Variants in LRP1B observed in about 807,000 individuals in gnomAD.
The protein encoded by LRP1B is low-density lipoprotein receptor-related protein 1B.
A neutral mutation model predicts 556.6 loss-of-function variants in LRP1B; 217 were observed. The observed-to-expected ratio is 0.39, with a 90% CI of 0.35 to 0.44. The LOEUF (loss-of-function observed/expected upper bound fraction) is 0.44, where lower values mean the gene tolerates loss of function less well. Ranked by LOEUF, LRP1B falls within the 20% of genes least tolerant of loss-of-function variation. The pLI, the probability that LRP1B is intolerant of heterozygous loss-of-function variation, is 1.00. For missense variants in LRP1B, 5,053 were observed against 5,620.8 expected (o/e 0.90, Z 3.23); for synonymous variants, 2,047 against 1,865.8 (o/e 1.10, Z -2.50).
intron 6 of LRP1B, among the ~76,000 whole-genome samples, chr2:141,196,767 T>C (rs1681769291): frequency 1.3e-5 from 2 of 152,162 alleles, no homozygotes; most frequent in African/African-American, 4.8e-5. Flanking sequence ...TTGCCTACCA[T>C]CTTCCTGTTC....
At chr2:140,446,369 A>G (rs1303650733) in intron 63 of LRP1B, among the ~76,000 whole-genome samples, 1 of 152,176 alleles carries the variant, frequency 6.6e-6, no homozygotes, top group African/African-American at 2.4e-5. Context: ...CAAATTTGTG[A>G]TGCCAGAGAA....
intron 55 of LRP1B, among the ~76,000 whole-genome samples, chr2:140,496,640 G>T (rs910036117): frequency 3.3e-5 from 5 of 151,984 alleles, no homozygotes; most frequent in African/African-American, 1.2e-4. Flanking sequence ...TCCTAAAAAC[G>T]ATGAGGTACT....
chr2:141,916,477 G>T (rs1700036166), intron 1 of LRP1B, among the ~76,000 whole-genome samples: 1 of 150,960 alleles, frequency 6.6e-6, no homozygotes, highest in Non-Finnish European at 1.5e-5. Flanking sequence ...CCATCCTCCT[G>T]CCTCAGCCTC....
chr2:141,591,983 G>A (rs1034705464), intron 2 of LRP1B, among the ~76,000 whole-genome samples: 2 of 151,968 alleles, frequency 1.3e-5, no homozygotes, highest in African/African-American at 2.4e-5. Flanking sequence ...TTCAAATCAC[G>A]TGACCTGGAA....
At chr2:140,649,517 A>G (rs2105316988) in intron 41 of LRP1B, among the ~76,000 whole-genome samples, 1 of 152,364 alleles carries the variant, frequency 6.6e-6, no homozygotes, top group South Asian at 2.1e-4. Flanking sequence ...TAGTTGAAAG[A>G]TCTAGGAAAT....
At chr2:140,712,236 T>C (rs913311484) in intron 37 of LRP1B, among the ~76,000 whole-genome samples, 4 of 152,092 alleles carry the variant, frequency 2.6e-5, no homozygotes, top group African/African-American at 9.7e-5. Flanking sequence ...CCAAGTTCCG[T>C]CACTGTAAGG....
chr2:140,563,728 T>C (rs1445657423), intron 43 of LRP1B, among the ~76,000 whole-genome samples: 1 of 152,206 alleles, frequency 6.6e-6, no homozygotes, highest in African/African-American at 2.4e-5. Context: ...GTATCTGGAA[T>C]TACATTCAAA....
chr2:140,875,853 T>C (rs549374867), intron 25 of LRP1B, among the ~76,000 whole-genome samples: 4 of 152,296 alleles, frequency 2.6e-5, no homozygotes, highest in African/African-American at 9.6e-5. Context: ...CTAATATGAC[T>C]TTGTGTACAT....
At chr2:140,612,092 C>T (rs1683091981) in intron 41 of LRP1B, among the ~76,000 whole-genome samples, 1 of 152,020 alleles carries the variant, frequency 6.6e-6, no homozygotes, top group Non-Finnish European at 1.5e-5. Context: ...TTCTTAAGTA[C>T]CTACTATGTG....
At chr2:141,078,807 T>TA (rs774851919) in intron 7 of LRP1B, among the ~76,000 whole-genome samples, 3 of 152,046 alleles carry the variant, frequency 2.0e-5, no homozygotes, top group East Asian at 1.9e-4. Flanking sequence ...TGCTGTCAAT[T>TA]AAAAAAAAGA....
At chr2:140,919,976 G>T (rs1489091161) in intron 21 of LRP1B, among the ~76,000 whole-genome samples, 1 of 151,892 alleles carries the variant, frequency 6.6e-6, no homozygotes, top group Non-Finnish European at 1.5e-5. Context: ...GAATATATTT[G>T]TGCATATATA....
chr2:141,755,295 A>G (rs1306318560), intron 2 of LRP1B, among the ~76,000 whole-genome samples: 1 of 152,102 alleles, frequency 6.6e-6, no homozygotes, highest in Non-Finnish European at 1.5e-5. Context: ...CCTAATGTAC[A>G]ATAGGTTCTT....
chr2:142,029,142 C>T (rs1014465431), intron 1 of LRP1B, among the ~76,000 whole-genome samples: 2 of 151,818 alleles, frequency 1.3e-5, no homozygotes, highest in Non-Finnish European at 2.9e-5. Flanking sequence ...ACCTAGAGAA[C>T]TTGTTAAACA....
At chr2:141,086,301 A>C (rs937741347) in intron 7 of LRP1B, among the ~76,000 whole-genome samples, 1 of 152,168 alleles carries the variant, frequency 6.6e-6, no homozygotes, top group Non-Finnish European at 1.5e-5. Flanking sequence ...TCTACATCTA[A>C]ATTTCTTAGA....
At chr2:140,491,584 GA>G (rs199708824) in intron 57 of LRP1B, among the ~76,000 whole-genome samples, 6,094 of 151,834 alleles carry the variant, frequency 0.04, 170 homozygotes, top group Non-Finnish European at 0.047. Flanking sequence ...TAAAAATACA[GA>G]AAAAAATATA....
At chr2:140,426,902 G>T (rs1685683394) in intron 66 of LRP1B, among the ~76,000 whole-genome samples, 1 of 152,036 alleles carries the variant, frequency 6.6e-6, no homozygotes, top group African/African-American at 2.4e-5. Flanking sequence ...ACCACCTCAG[G>T]TCCTCAGACC....
chr2:141,979,784 G>A (rs1259336763), intron 1 of LRP1B, among the ~76,000 whole-genome samples: 1 of 152,090 alleles, frequency 6.6e-6, no homozygotes, highest in African/African-American at 2.4e-5. Flanking sequence ...TTCAGACACT[G>A]CCTCAGAACT....
chr2:141,787,182 G>T (rs1695455153), intron 2 of LRP1B, among the ~76,000 whole-genome samples: 1 of 151,900 alleles, frequency 6.6e-6, no homozygotes, highest in Non-Finnish European at 1.5e-5. Context: ...AAACTGTATG[G>T]AAGTTTCTCA....
At chr2:140,968,920 T>A (rs1302207457) in intron 18 of LRP1B, among the ~76,000 whole-genome samples, 1 of 152,240 alleles carries the variant, frequency 6.6e-6, no homozygotes, top group African/African-American at 2.4e-5. Flanking sequence ...TCTGTTCTTT[T>A]ACATTTGCTG....
Sources: gnomAD v4.1 joint callset for allele counts (sites outside exome capture counted in the v4.1 genomes callset) on GRCh38, gnomAD v4.1.1 for gene constraint, MANE v1.5 for transcripts, NCBI Gene and HGNC (gene_info 2026-07-23, HGNC 2026-07-21) for gene names.